SDK1: variants seen among roughly 807,000 people sequenced by gnomAD.
The protein encoded by SDK1 is sidekick cell adhesion molecule 1, also known as protein sidekick-1.
SDK1 carries 157 observed loss-of-function variants against 245.5 expected under a neutral mutation model. That is an observed-to-expected ratio of 0.64 (90% CI 0.56 to 0.73). SDK1 has a LOEUF of 0.73. Ranked by LOEUF, SDK1 falls within the 30% of genes least tolerant of loss-of-function variation. The pLI, the probability that SDK1 is intolerant of heterozygous loss-of-function variation, is 0.00. For missense variants in SDK1, 3,583 were observed against 3,002.3 expected (o/e 1.19, Z -4.52); for synonymous variants, 1,647 against 1,278.5 (o/e 1.29, Z -6.15).
intron 5 of SDK1, among the ~76,000 whole-genome samples, chr7:3,867,119 G>T (rs141356669): frequency 1.3e-4 from 20 of 152,244 alleles, no homozygotes; most frequent in African/African-American, 4.6e-4. Flanking sequence ...TAAAAGCTAA[G>T]AAAAATTAAG....
intron 1 of SDK1, among the ~76,000 whole-genome samples, chr7:3,303,074 G>C (rs934897981): frequency 1.3e-5 from 2 of 152,010 alleles, no homozygotes; most frequent in Non-Finnish European, 2.9e-5. Context: ...CCCCCCTCCA[G>C]CTTTCATAAA....
chr7:3,845,995 T>C (rs1049426473), intron 5 of SDK1, among the ~76,000 whole-genome samples: 2 of 152,242 alleles, frequency 1.3e-5, no homozygotes, highest in African/African-American at 2.4e-5. Flanking sequence ...AATTATTTGA[T>C]GCAGAAGGGT....
chr7:4,077,320 A>G (rs556737761), intron 21 of SDK1, 131 bp downstream of exon 21: 2 of 835,432 alleles, frequency 2.4e-6, no homozygotes, highest in Non-Finnish European at 3.8e-6. Context: ...TCCTGCCAAG[A>G]TGCTGGAGGG....
At chr7:3,713,325 T>C (rs1031548057) in intron 4 of SDK1, among the ~76,000 whole-genome samples, 2 of 152,210 alleles carry the variant, frequency 1.3e-5, no homozygotes, top group Admixed American at 6.5e-5. Flanking sequence ...TGTTTGTCTT[T>C]CCATGCTTAC....
chr7:3,720,119 C>A (rs1183757627), intron 4 of SDK1, among the ~76,000 whole-genome samples: 2 of 151,798 alleles, frequency 1.3e-5, no homozygotes, highest in African/African-American at 4.8e-5. Context: ...TTATGAATGA[C>A]CTTATTAAGA....
chr7:3,705,235 G>A (rs1784850925), intron 4 of SDK1, among the ~76,000 whole-genome samples: 3 of 151,856 alleles, frequency 2.0e-5, no homozygotes, highest in South Asian at 2.1e-4. Context: ...AATGATATAG[G>A]TATTTTGATA....
chr7:4,184,018 T>C (rs1165878840), intron 35 of SDK1, among the ~76,000 whole-genome samples: 3 of 152,206 alleles, frequency 2.0e-5, no homozygotes, highest in African/African-American at 7.2e-5. Flanking sequence ...CAGAGAGTTT[T>C]CTGGAAGGAG....
intron 4 of SDK1, among the ~76,000 whole-genome samples, chr7:3,802,756 C>G (rs770705006): frequency 1.3e-5 from 2 of 152,180 alleles, no homozygotes; most frequent in African/African-American, 4.8e-5. Context: ...ACCTAATACT[C>G]TTGAGACCCA....
chr7:3,864,593 C>T (rs942005747), intron 5 of SDK1, among the ~76,000 whole-genome samples: 6 of 152,168 alleles, frequency 3.9e-5, no homozygotes, highest in African/African-American at 1.4e-4. Context: ...CTTGGCCACC[C>T]AGTCTTAGAC....
intron 1 of SDK1, among the ~76,000 whole-genome samples, chr7:3,435,297 TACTTG>T (rs1032396741): frequency 1.3e-5 from 2 of 149,034 alleles, no homozygotes; most frequent in South Asian, 2.1e-4. Context: ...CCTATTTTGA[TACTTG>T]ACTTATGAAG....
At chr7:3,967,162 G>A (rs887135548) in intron 9 of SDK1, among the ~76,000 whole-genome samples, 156 bp from the exon 10 acceptor site, 1 of 152,232 alleles carries the variant, frequency 6.6e-6, no homozygotes, top group Non-Finnish European at 1.5e-5. Flanking sequence ...GAGAGGAACA[G>A]TGGAGGGCTG....
chr7:3,602,139 C>T lies in SDK1; in HGVS notation c.299-16941C>T, dbSNP rs144653322. Among the ~76,000 whole-genome samples the T allele has an allele frequency of 9.6e-3, 1,461 of 151,904 alleles. 21 individuals are homozygous for T. Among genetic ancestry groups the T allele is most frequent in the African/African-American group, 0.034 (1,406 of 41,388 alleles). On this transcript the variant is annotated intron_variant, in intron 1 of 44. Transcript: ENST00000404826. ...TGTGAATAGTGCTACAATAAACATA[C>T]GTGTGCATGTGTCTTTATAGCACAA...
intron 1 of SDK1, among the ~76,000 whole-genome samples, chr7:3,515,101 C>T (rs1404936119): frequency 6.6e-6 from 1 of 151,760 alleles, no homozygotes; most frequent in Non-Finnish European, 1.5e-5. Context: ...GTGAGAGAAG[C>T]GGGGAGGCTG....
Position 4,193,920 on chromosome 7 carries a change from T to C in SDK1, c.5099-11959T>C, listed in dbSNP as rs114930238. 9.7e-3 allele frequency among the ~76,000 whole-genome samples: 1,475 copies of C among 152,278 alleles called. 24 individuals are homozygous for C. Among genetic ancestry groups the C allele is most frequent in the African/African-American group, 0.034 (1,394 of 41,534 alleles). Reference sequence around the variant, plus strand: ...GGTATTATGTATAGAGTCCCTAAACTCCTTGCCTCTCACGAGCGGTGAATC... The same window carrying C: ...GGTATTATGTATAGAGTCCCTAAACCCCTTGCCTCTCACGAGCGGTGAATC... On this transcript the variant is annotated intron_variant, in intron 35 of 44. Transcript: ENST00000404826.
chr7:3,341,091 C>T (rs1021085392), intron 1 of SDK1, among the ~76,000 whole-genome samples: 5 of 152,072 alleles, frequency 3.3e-5, no homozygotes, highest in Non-Finnish European at 4.4e-5. Flanking sequence ...AGTTCAGTAT[C>T]GCTCATGAAC....
chr7:4,264,777 T>C (rs1788348281), intron 44 of SDK1, among the ~76,000 whole-genome samples: 1 of 151,860 alleles, frequency 6.6e-6, no homozygotes, highest in African/African-American at 2.4e-5. Flanking sequence ...TGTAGACCTC[T>C]CCTGGGGTGA....
chr7:3,885,885 T>C (rs1781327094), intron 5 of SDK1, among the ~76,000 whole-genome samples: 1 of 152,202 alleles, frequency 6.6e-6, no homozygotes, highest in African/African-American at 2.4e-5. Flanking sequence ...GAGAAAAGTA[T>C]GCATTCTGCT....
chr7:3,393,027 G>C (rs1781800697), intron 1 of SDK1, among the ~76,000 whole-genome samples: 1 of 130,350 alleles, frequency 7.7e-6, no homozygotes, highest in East Asian at 2.4e-4. Flanking sequence ...CTGTAGTACA[G>C]TGGCGTGATC....
intron 1 of SDK1, among the ~76,000 whole-genome samples, chr7:3,414,561 A>C (rs1460979061): frequency 1.3e-5 from 2 of 152,198 alleles, no homozygotes; most frequent in African/African-American, 4.8e-5. Flanking sequence ...GAACTGTGAA[A>C]GTAATACCTT....
Sources: allele counts gnomAD v4.1 joint callset (sites outside exome capture counted in the v4.1 genomes callset), GRCh38; gene constraint gnomAD v4.1.1; transcripts MANE v1.5; gene names NCBI Gene and HGNC (gene_info 2026-07-23, HGNC 2026-07-21).